ZBP1: variants seen among roughly 807,000 people sequenced by gnomAD.
ZBP1 encodes Z-DNA binding protein 1.
Under a neutral mutation model 41.1 loss-of-function variants are expected in ZBP1, and 42 were observed. The ratio of observed to expected loss-of-function variants is 1.02; its 90% CI spans 0.80 to 1.32. The LOEUF (loss-of-function observed/expected upper bound fraction) is 1.32. Ranked by LOEUF, ZBP1 falls within the 40% of genes most tolerant of loss-of-function variation. The pLI, the probability that ZBP1 is intolerant of heterozygous loss-of-function variation, is 0.00. For missense variants in ZBP1, 562 were observed against 549.7 expected, an observed-to-expected ratio of 1.02 and a Z score of -0.22; for synonymous variants, 214 against 205.2, an observed-to-expected ratio of 1.04 and a Z score of -0.37.
At position 57,611,893 on chromosome 20, in the gene ZBP1, TGG is replaced by T. The variant is rs1227692495; in HGVS notation, c.706_707del (p.Pro236ArgfsTer2). 6.4e-7 allele frequency: 1 copy of T among 1,570,714 alleles called. No homozygotes were observed. The highest frequency in any genetic ancestry group is 1.2e-5 in the South Asian group (1 of 85,598). ...GGGTCCCCCAAGTTGAGGAATCACC[TGG>T]TGCCATTGAAGGGAGGTGGCGTGGA... ...AGPRHLPSMA[P>X]GDSSTWGTLV... On this transcript the variant is annotated frameshift_variant, in exon 6 of 8. Coordinates refer to ENST00000371173, the MANE Select transcript of ZBP1 (RefSeq NM_030776.3). LOFTEE classifies it high-confidence loss of function.
chr20:57,609,812 A>G (rs2070601510), intron 7 of ZBP1, among the ~76,000 whole-genome samples: 1 of 151,936 alleles, frequency 6.6e-6, no homozygotes, highest in African/African-American at 2.4e-5. Flanking sequence ...TATCTCCTGA[A>G]TGCTGGCAGG....
Position 57,616,693 on chromosome 20 carries a change from C to T in ZBP1, c.35-225G>A. ...ATCAGAAACGGCCTTGGCTGCGCAG[C>T]CTGGTGGCCAGGGGAGGTGCCACCT... On this transcript the variant is annotated intron_variant, in intron 1 of 7. Transcript: ENST00000371173. The T allele has an allele frequency of 7.0e-6, 4 of 568,450 alleles. No individual in the cohort carries two copies. The South Asian group carries it at 8.1e-5, about 12-fold the overall frequency. The allele number at this position is 568,450 out of a possible 1,614,324, so 35.2% of individuals were successfully genotyped here. A position where few individuals can be genotyped will look rare whatever the true frequency, so the allele number is the denominator to read the frequency against.
rs920595672 is a variant in ZBP1 at position 57,610,076 on chromosome 20, GTGAA to G, written c.1093+69_1093+72del. ...AGAGATTAGCGAATGATCGATGAGA[GTGAA>G]TGAATGAATGAGTGGAAGGTGGGGA... On this transcript the variant is annotated intron_variant, in intron 7 of 7. Transcript: ENST00000371173. This position sits in a 1 kb window ranked among gnomAD's most constrained non-coding sequence, Gnocchi z 5.5. 820 of 1,439,526 alleles carry G rather than the reference GTGAA, an allele frequency of 5.7e-4. 3 individuals are homozygous for G. In the East Asian group the frequency reaches 9.5e-3, roughly 17 times the overall value. The allele number at this position is 1,439,526 out of a possible 1,614,324, so 89.2% of individuals were successfully genotyped here.
At chr20:57,615,869 AGCTCCTTCTG>A in intron 2 of ZBP1, 1 of 530,906 alleles carries the variant, frequency 1.9e-6, no homozygotes. Context: ...GATAAATGGC[AGCTCCTTCTG>A]GCTGTGGGCT....
chr20:57,609,908 C>A (rs1335479311), intron 7 of ZBP1, among the ~76,000 whole-genome samples: 4 of 152,146 alleles, frequency 2.6e-5, no homozygotes, highest in African/African-American at 9.7e-5. Flanking sequence ...TCTTGCCATC[C>A]CACTTTACAG....
rs918138999 is a variant in ZBP1, at chr20:57,610,433, C to T, written c.875-66G>A. On this transcript the variant is annotated intron_variant, in intron 6 of 7. Transcript: ENST00000371173. This position sits in a 1 kb window ranked among gnomAD's most constrained non-coding sequence, Gnocchi z 5.5. ...TGGACAGTGGCCGGGAACCCTGACC[C>T]CCAGCCTGGTTCACCCTCCTCCCCA... 9.6e-5 allele frequency: 150 copies of T among 1,565,010 alleles called. No homozygotes were observed. The highest frequency in any genetic ancestry group is 1.2e-4 in the Non-Finnish European group (140 of 1,139,598).
chr20:57,615,713 C>T, intron 2 of ZBP1, 133 bp from the exon 3 acceptor site: 2 of 699,182 alleles, frequency 2.9e-6, no homozygotes, highest in Non-Finnish European at 4.7e-6. Flanking sequence ...CAGAGTTCAA[C>T]ACACTTGACT....
In ZBP1 at chr20:57,613,615, C is replaced by T. The variant is rs1203115773; in HGVS notation, c.503-285G>A. On this transcript the variant is annotated intron_variant, in intron 4 of 7. Coordinates refer to ENST00000371173, the MANE Select transcript of ZBP1 (RefSeq NM_030776.3). This position sits in a 1 kb window ranked among gnomAD's most constrained non-coding sequence, Gnocchi z 4.5. ...TTGCTGGCTGGGAGGACCGCAGGGG[C>T]CCCACACTGCTCTCCCTAGGGGGCA... Among the ~76,000 whole-genome samples the T allele has an allele frequency of 2.6e-5, 4 of 152,164 alleles. No individual in the cohort carries two copies. Among genetic ancestry groups the T allele is most frequent in the Non-Finnish European group, 5.9e-5 (4 of 68,024 alleles).
chr20:57,612,835 C>T (rs1427175454), intron 5 of ZBP1: 40 of 1,064,852 alleles, frequency 3.8e-5, no homozygotes, highest in Non-Finnish European at 4.4e-5. Context: ...ATGAAAAACA[C>T]CGGACCCCAT....
chr20:57,615,314 G>T, intron 3 of ZBP1, 198 bp downstream of exon 3: 2 of 707,044 alleles, frequency 2.8e-6, no homozygotes, highest in Non-Finnish European at 2.4e-6. Context: ...TGTCTGACTG[G>T]AGAAATCACT....
chr20:57,610,616 G>C lies in ZBP1; in HGVS notation c.875-249C>G. 2 of 566,656 alleles carry C rather than the reference G, an allele frequency of 3.5e-6. No individual in the cohort carries two copies. The highest frequency in any genetic ancestry group is 3.2e-6 in the Non-Finnish European group (1 of 316,234). 35.1% of individuals were successfully genotyped at this position (566,656 alleles called of 1,614,324 possible). ...TGGGTCTGCCCCACTGATCCCGCCC[G>C]GCTGATCTGGACGTCAGTGTCTTCC... On this transcript the variant is annotated intron_variant, in intron 6 of 7. Coordinates refer to ENST00000371173, the MANE Select transcript of ZBP1 (RefSeq NM_030776.3). This position sits in a 1 kb window ranked among gnomAD's most constrained non-coding sequence, Gnocchi z 5.5.
chr20:57,610,574 C>A lies in ZBP1; in HGVS notation c.875-207G>T, dbSNP rs1024931967. 3.3e-6 allele frequency: 2 copies of A among 606,090 alleles called. No individual in the cohort carries two copies. Among genetic ancestry groups the A allele is most frequent in the Admixed American group, 2.9e-5 (1 of 34,390 alleles). 37.5% of individuals were successfully genotyped at this position (606,090 alleles called of 1,614,324 possible). ...GTGCTGTCTGGGAAGCGTCTTTCTG[C>A]TCCACTGATCCCGCAGTGGGTCTGC... On this transcript the variant is annotated intron_variant, in intron 6 of 7. Transcript: ENST00000371173. This position sits in a 1 kb window ranked among gnomAD's most constrained non-coding sequence, Gnocchi z 5.5.
chr20:57,616,222 GCCTC>G lies in ZBP1; in HGVS notation c.259+18_259+21del, dbSNP rs759891902. ...GGATGCTCCCTGCAGGGTCAGACCC[GCCTC>G]CCCGGGGTGGCAGTTACCAGGGCTG... On this transcript the variant is annotated intron_variant, in intron 2 of 7. Coordinates refer to ENST00000371173, the MANE Select transcript of ZBP1 (RefSeq NM_030776.3). 6 of 1,611,970 alleles carry G rather than the reference GCCTC, an allele frequency of 3.7e-6. No homozygotes were observed. The highest frequency in any genetic ancestry group is 5.1e-6 in the Non-Finnish European group (6 of 1,178,196).
chr20:57,620,317 T>C lies in ZBP1; in HGVS notation c.-22A>G, dbSNP rs967257653. 1 of 1,589,786 alleles carries C rather than the reference T, an allele frequency of 6.3e-7. No homozygotes were observed. Among genetic ancestry groups the C allele is most frequent in the South Asian group, 1.1e-5 (1 of 87,252 alleles). ...CCATGCTGACAGCAGCTGCAAGGAG[T>C]CGGAGAGACTTGGCAGGTGTGCAGG... On this transcript the variant is annotated 5_prime_UTR_variant, in exon 1 of 8. Coordinates refer to ENST00000371173, the MANE Select transcript of ZBP1 (RefSeq NM_030776.3).
chr20:57,604,162 T>C lies in ZBP1; in HGVS notation c.*411A>G, dbSNP rs557344685. On this transcript the variant is annotated 3_prime_UTR_variant, in exon 8 of 8. Transcript: ENST00000371173. ...TGCTGGGATTACAGGCGTGAGCCAC[T>C]GCACCCAGTTGGGATTATGTTTTGA... 39 of 340,200 alleles carry C rather than the reference T, an allele frequency of 1.1e-4. No individual in the cohort carries two copies. The highest frequency in any genetic ancestry group is 7.4e-4 in the Admixed American group (18 of 24,432). The allele number at this position is 340,200 out of a possible 1,614,324, so 21.1% of individuals were successfully genotyped here.
At position 57,610,537 on chromosome 20, in the gene ZBP1, G is replaced by A. The variant is rs142291938; in HGVS notation, c.875-170C>T. The A allele has an allele frequency of 9.7e-3, 6,173 of 638,126 alleles. 51 individuals are homozygous for A. Among genetic ancestry groups the A allele is most frequent in the Non-Finnish European group, 0.013 (4,656 of 366,574 alleles). The allele number at this position is 638,126 out of a possible 1,614,324, so 39.5% of individuals were successfully genotyped here. A position where few individuals can be genotyped will look rare whatever the true frequency, so the allele number is the denominator to read the frequency against. On this transcript the variant is annotated intron_variant, in intron 6 of 7. Transcript: ENST00000371173. The surrounding 1 kb of genome is among the most constrained non-coding windows in gnomAD (Gnocchi z 5.5). Reference sequence around the variant, plus strand: ...CCACACCTCCACCCGCCACACCTCCGCTCGTGCTGTTGTGCTGTCTGGGAA... The same window carrying A: ...CCACACCTCCACCCGCCACACCTCCACTCGTGCTGTTGTGCTGTCTGGGAA...
Position 57,616,462 on chromosome 20 carries a change from A to G in ZBP1, c.41T>C (p.Leu14Pro). 6.2e-7 allele frequency: 1 copy of G among 1,613,316 alleles called. No homozygotes were observed. The highest frequency in any genetic ancestry group is 1.3e-5 in the African/African-American group (1 of 75,012). Reference sequence around the variant, plus strand: ...CAGCACCTGCAGGATTCTTTGTTCAAGGTGGCCTGGGGGAGCGAGCGGGGG... The same window carrying G: ...CAGCACCTGCAGGATTCTTTGTTCAGGGTGGCCTGGGGGAGCGAGCGGGGG... ...APADPGREGH[L>P]EQRILQVLTE... is the part of the protein sequence containing the mutation. The change falls in exon 2 of 8, where the codon CTT becomes CCT. Residue 14 changes from leucine to proline, a missense_variant. Physicochemically the swap from Leu to Pro is moderately conservative, Grantham distance 98. Coordinates refer to ENST00000371173, the MANE Select transcript of ZBP1 (RefSeq NM_030776.3).
At position 57,614,814 on chromosome 20, in the gene ZBP1, G is replaced by T. The variant is rs1394160192; in HGVS notation, c.502+73C>A. 2.0e-5 allele frequency: 32 copies of T among 1,575,226 alleles called. No individual in the cohort carries two copies. In the South Asian group the frequency reaches 3.1e-4, roughly 15 times the overall value. ...AGTTTCCGGTGAGCTGCTCAGCAGA[G>T]CACCCAGCAAAGACCAAGCACTAGT... On this transcript the variant is annotated intron_variant, in intron 4 of 7. Coordinates refer to ENST00000371173, the MANE Select transcript of ZBP1 (RefSeq NM_030776.3).
At chr20:57,616,189 CA>C (rs771295715) in intron 2 of ZBP1, 54 bp downstream of exon 2, 92 of 1,531,898 alleles carry the variant, frequency 6.0e-5, no homozygotes, top group Non-Finnish European at 7.7e-5. Context: ...TGTGCTTGTC[CA>C]TTGCCAGGAT....
Sources: gnomAD v4.1 joint callset for allele counts (sites outside exome capture counted in the v4.1 genomes callset) on GRCh38, gnomAD v4.1.1 for gene constraint, Gnocchi (gnomAD v3.1) non-coding constraint, MANE v1.5 for transcripts, NCBI Gene and HGNC (gene_info 2026-07-23, HGNC 2026-07-21) for gene names.